Variants in CA10 observed in about 807,000 individuals in gnomAD.
CA10 encodes carbonic anhydrase 10 (inactive), also known as carbonic anhydrase-related protein 10.
CA10 carries 14 observed loss-of-function variants against 44.2 expected under a neutral mutation model. That is an observed-to-expected ratio of 0.32 (90% CI 0.21 to 0.50). The LOEUF is 0.50. Among genes scored for constraint, CA10 ranks in the 20% least tolerant of loss-of-function variants. The probability of loss-of-function intolerance (pLI) is 0.99; values close to 1 mark genes in which losing one functional copy is unlikely to be tolerated. For missense variants in CA10, 350 were observed against 409.7 expected (o/e 0.85, Z 1.26); for synonymous variants, 159 against 141.6 (o/e 1.12, Z -0.87).
At chr17:51,660,305 A>G (rs1426340246) in intron 4 of CA10, among the ~76,000 whole-genome samples, 1 of 152,228 alleles carries the variant, frequency 6.6e-6, no homozygotes, top group East Asian at 1.9e-4. Flanking sequence ...GAATTTTCTT[A>G]GGACCAGAGG....
rs1465353888 is a variant in CA10 at position 52,082,113 on chromosome 17, A to G, written c.62-9720T>C. 2.6e-5 allele frequency among the ~76,000 whole-genome samples: 4 copies of G among 152,242 alleles called. No individual in the cohort carries two copies. In the East Asian group the frequency reaches 5.8e-4, roughly 22 times the overall value. ...TGCTTTGTCTTCCATAATGCAACAC[A>G]TATCGTAGGTACACTGGCACAGTGT... On this transcript the variant is annotated intron_variant, in intron 1 of 8. Coordinates refer to ENST00000451037, the MANE Select transcript of CA10 (RefSeq NM_020178.5).
chr17:52,137,081 G>A (rs549828209), intron 1 of CA10, among the ~76,000 whole-genome samples: 19 of 151,680 alleles, frequency 1.3e-4, no homozygotes, highest in South Asian at 2.1e-4. Context: ...TGAAGTTTAC[G>A]GATGTGGGGA....
chr17:51,716,620 A>G (rs1268834495), intron 4 of CA10, among the ~76,000 whole-genome samples: 1 of 152,098 alleles, frequency 6.6e-6, no homozygotes, highest in African/African-American at 2.4e-5. Flanking sequence ...TGGTTCAAAT[A>G]CTGTCTCACC....
At chr17:51,646,189 T>G (rs1294771030) in intron 6 of CA10, among the ~76,000 whole-genome samples, 1 of 152,202 alleles carries the variant, frequency 6.6e-6, no homozygotes, top group African/African-American at 2.4e-5. Flanking sequence ...ATTGGTCAAA[T>G]GACTTCACCT....
At chr17:51,649,347 A>T in intron 5 of CA10, 93 bp from the exon 6 acceptor site, 1 of 938,482 alleles carries the variant, frequency 1.1e-6, no homozygotes, top group South Asian at 1.4e-5. Context: ...ATAGTTACTG[A>T]GTATCTACCA....
chr17:51,718,365 G>T (rs1255845330), intron 4 of CA10, among the ~76,000 whole-genome samples: 1 of 152,160 alleles, frequency 6.6e-6, no homozygotes, highest in East Asian at 1.9e-4. Flanking sequence ...GCCGAAGGTT[G>T]AGCTAATCAC....
At chr17:51,656,993 G>T (rs1029776388) in intron 4 of CA10, among the ~76,000 whole-genome samples, 3 of 152,190 alleles carry the variant, frequency 2.0e-5, no homozygotes, top group Non-Finnish European at 4.4e-5. Flanking sequence ...TTGAGCAGGG[G>T]AATGAGATAA....
intron 2 of CA10, among the ~76,000 whole-genome samples, chr17:51,993,204 C>T (rs188146944): frequency 7.0e-4 from 106 of 152,120 alleles, no homozygotes; most frequent in Non-Finnish European, 1.3e-3. Flanking sequence ...TTATGAGGCT[C>T]GTGCACATTA....
At chr17:51,729,228 G>A (rs1375843065) in intron 4 of CA10, among the ~76,000 whole-genome samples, 1 of 152,158 alleles carries the variant, frequency 6.6e-6, no homozygotes, top group Non-Finnish European at 1.5e-5. Context: ...CTTAGGCCTT[G>A]GTGCTGGCAG....
chr17:51,769,477 T>A (rs1196554899), intron 3 of CA10, among the ~76,000 whole-genome samples: 1 of 152,050 alleles, frequency 6.6e-6, no homozygotes, highest in African/African-American at 2.4e-5. Flanking sequence ...TCACACCGTG[T>A]GTGTGTATTT....
intron 3 of CA10, among the ~76,000 whole-genome samples, chr17:51,754,184 T>A (rs898462689): frequency 6.6e-6 from 1 of 151,588 alleles, no homozygotes; most frequent in Non-Finnish European, 1.5e-5. Flanking sequence ...AGCATTTTCT[T>A]CAAGAGGTGG....
At chr17:52,032,986 G>T (rs374966033) in intron 2 of CA10, among the ~76,000 whole-genome samples, 1 of 152,086 alleles carries the variant, frequency 6.6e-6, no homozygotes, top group Admixed American at 6.5e-5. Flanking sequence ...TGAAGTATAC[G>T]TCAAGGCATG....
intron 3 of CA10, among the ~76,000 whole-genome samples, chr17:51,811,491 T>G (rs578227008): frequency 6.6e-6 from 1 of 152,294 alleles, no homozygotes; most frequent in South Asian, 2.1e-4. Context: ...TGTGTCCAAG[T>G]AATCTCATTG....
chr17:51,820,206 A>G (rs1907717303), intron 3 of CA10, among the ~76,000 whole-genome samples: 1 of 80,204 alleles, frequency 1.2e-5, no homozygotes, highest in African/African-American at 5.1e-5. Context: ...CCCAGGTAAT[A>G]CCCCCTTCAA....
chr17:51,949,979 ATATGGATGCTGTTATACTAAT>A (rs1044265605), intron 2 of CA10, among the ~76,000 whole-genome samples: 1 of 152,194 alleles, frequency 6.6e-6, no homozygotes, highest in African/African-American at 2.4e-5. Flanking sequence ...CATAAATTAC[ATATGGATGCTGTTATACTAAT>A]TATTAGTACA....
chr17:51,956,927 G>T (rs1391190581), intron 2 of CA10, among the ~76,000 whole-genome samples: 2 of 152,108 alleles, frequency 1.3e-5, no homozygotes, highest in African/African-American at 4.8e-5. Flanking sequence ...AATGGAGGTA[G>T]GAGATGCTGT....
At chr17:51,993,846 T>C (rs985321402) in intron 2 of CA10, among the ~76,000 whole-genome samples, 1 of 152,042 alleles carries the variant, frequency 6.6e-6, no homozygotes, top group African/African-American at 2.4e-5. Context: ...TATTGATAAA[T>C]TACTTTTATT....
In CA10 at chr17:51,666,133, G is replaced by C. The variant is rs545960062; in HGVS notation, c.466-12397C>G. 6.6e-5 allele frequency among the ~76,000 whole-genome samples: 10 copies of C among 152,308 alleles called. No individual in the cohort carries two copies. The South Asian group carries it at 2.1e-3, about 32-fold the overall frequency. ...ACTCATTGATTCTTCCAACAAACCCGTATGTGTTTCCCATGTGCCAGGCAC... is the reference window on the plus strand; with the variant it reads ...ACTCATTGATTCTTCCAACAAACCCCTATGTGTTTCCCATGTGCCAGGCAC... On this transcript the variant is annotated intron_variant, in intron 4 of 8. Coordinates refer to ENST00000451037, the MANE Select transcript of CA10 (RefSeq NM_020178.5).
At chr17:51,707,883 G>T (rs1915811761) in intron 4 of CA10, among the ~76,000 whole-genome samples, 1 of 152,152 alleles carries the variant, frequency 6.6e-6, no homozygotes, top group African/African-American at 2.4e-5. Flanking sequence ...AACTCATCGG[G>T]CTTCTCCAAG....
Sources: gnomAD v4.1 joint callset for allele counts (sites outside exome capture counted in the v4.1 genomes callset) on GRCh38, gnomAD v4.1.1 for gene constraint, MANE v1.5 for transcripts, NCBI Gene and HGNC (gene_info 2026-07-23, HGNC 2026-07-21) for gene names.